Variants in TRIM24 observed in about 807,000 individuals in gnomAD.
The protein encoded by TRIM24 is tripartite motif containing 24.
In TRIM24, 29 loss-of-function variants were observed where a neutral mutation model predicts 123.9. The observed-to-expected ratio is 0.23, with a 90% CI of 0.17 to 0.32. The LOEUF (loss-of-function observed/expected upper bound fraction) is 0.32. TRIM24 is among the 10% of genes least tolerant of loss of function. The probability of loss-of-function intolerance (pLI) is 1.00; values close to 1 mark genes in which losing one functional copy is unlikely to be tolerated. For synonymous variants in TRIM24, 456 were observed against 461.1 expected (o/e 0.99, Z 0.14); for missense variants, 932 against 1,295.3 (o/e 0.72, Z 4.31).
intron 6 of TRIM24, among the ~76,000 whole-genome samples, chr7:138,533,036 A>G (rs556556520): frequency 6.6e-6 from 1 of 152,284 alleles, no homozygotes; most frequent in East Asian, 1.9e-4. Flanking sequence ...GTGTATAAGA[A>G]TGCTTGTGAT....
At position 138,583,846 on chromosome 7, in the gene TRIM24, A is replaced by T. The variant is rs1329740170; in HGVS notation, c.2794-4A>T. ...TGTATTATAACATCTCATTTTTTTA[A>T]TAGGTGCCTGATTATTACAAAATAA... is the stretch of plus-strand genomic sequence containing the variant. On this transcript the variant is annotated splice_region_variant and splice_polypyrimidine_tract_variant and intron_variant, in intron 17 of 18. Transcript: ENST00000343526. 1 of 1,542,214 alleles carries T rather than the reference A, an allele frequency of 6.5e-7. No homozygotes were observed. The highest frequency in any genetic ancestry group is 1.4e-5 in the African/African-American group (1 of 71,500).
At position 138,460,842 on chromosome 7, in the gene TRIM24, G is replaced by T; in HGVS notation, c.294G>T (p.Ser98=). Residue 98 remains serine (S), a synonymous_variant, in exon 1 of 19, where the codon TCG becomes TCT. Coordinates refer to ENST00000343526, the MANE Select transcript of TRIM24 (RefSeq NM_015905.3). The stretch of plus-strand genomic sequence containing the variant: ...TGCTGCCCGCGCCCATGCTGGGCTC[G>T]GCCGAGACCCCGCCACCCGTCCCTG... ...YLMLPAPMLG[S]AETPPPVPAP... 1 of 1,568,702 alleles carries T rather than the reference G, an allele frequency of 6.4e-7. No individual in the cohort carries two copies.
intron 7 of TRIM24, among the ~76,000 whole-genome samples, chr7:138,542,320 G>C (rs912972697): frequency 2.0e-5 from 3 of 152,154 alleles, no homozygotes; most frequent in African/African-American, 7.2e-5. Flanking sequence ...AACACTTAGA[G>C]ACTATTGTAG....
At chr7:138,490,665 C>T (rs1584696239) in intron 1 of TRIM24, 1 of 378,830 alleles carries the variant, frequency 2.6e-6, no homozygotes, top group East Asian at 7.1e-5. Flanking sequence ...AGCACTGCTA[C>T]CTTCACTGTG....
rs1031074439 is a variant in TRIM24, at chr7:138,484,875, A to G, written c.365-19415A>G. On this transcript the variant is annotated intron_variant, in intron 1 of 18. Coordinates refer to ENST00000343526, the MANE Select transcript of TRIM24 (RefSeq NM_015905.3). ...ATTCAGTTTTCGTAAAGGTTTATCT[A>G]TAGGACTCTATTCTACTTGAGATAC... is the stretch of plus-strand genomic sequence containing the variant. Among the ~76,000 whole-genome samples, 9 of 152,246 alleles carry G rather than the reference A, an allele frequency of 5.9e-5. No individual in the cohort carries two copies. The South Asian group carries it at 8.3e-4, about 14-fold the overall frequency.
chr7:138,546,408 A>G (rs1797103789), intron 7 of TRIM24, among the ~76,000 whole-genome samples: 1 of 152,254 alleles, frequency 6.6e-6, no homozygotes, highest in Non-Finnish European at 1.5e-5. Flanking sequence ...TGATGGCATC[A>G]TGGAAAAGAC....
At chr7:138,548,410 T>C (rs1019423730) in intron 7 of TRIM24, among the ~76,000 whole-genome samples, 3 of 148,014 alleles carry the variant, frequency 2.0e-5, no homozygotes, top group African/African-American at 7.6e-5. Flanking sequence ...GGTGACAGAG[T>C]GAGAGTCAAA....
intron 1 of TRIM24, among the ~76,000 whole-genome samples, chr7:138,474,225 A>T (rs541570292): frequency 2.0e-5 from 3 of 146,862 alleles, no homozygotes; most frequent in Non-Finnish European, 4.5e-5. Context: ...TCCCGGGTTC[A>T]CGCCATTCTC....
chr7:138,491,662 T>C (rs1474449342), intron 1 of TRIM24, among the ~76,000 whole-genome samples: 1 of 152,216 alleles, frequency 6.6e-6, no homozygotes, highest in African/African-American at 2.4e-5. Flanking sequence ...AAATATCTGT[T>C]AGTCCCTGTT....
At chr7:138,474,591 G>A (rs1353023101) in intron 1 of TRIM24, among the ~76,000 whole-genome samples, 2 of 152,096 alleles carry the variant, frequency 1.3e-5, no homozygotes, top group Non-Finnish European at 2.9e-5. Context: ...TAGTTTTGAG[G>A]TTTACATTTA....
intron 1 of TRIM24, among the ~76,000 whole-genome samples, chr7:138,481,226 A>G (rs983801844): frequency 6.6e-6 from 1 of 151,930 alleles, no homozygotes; most frequent in African/African-American, 2.4e-5. Flanking sequence ...TCCCGAGCTC[A>G]GTGATTCACC....
intron 1 of TRIM24, among the ~76,000 whole-genome samples, chr7:138,462,364 G>A (rs888768794): frequency 4.2e-5 from 6 of 142,070 alleles, no homozygotes; most frequent in Admixed American, 1.4e-4. Flanking sequence ...TTTTTGAGAC[G>A]GAGTCTCGCT....
At chr7:138,524,217 A>G (rs971099293) in intron 4 of TRIM24, among the ~76,000 whole-genome samples, 24 of 152,338 alleles carry the variant, frequency 1.6e-4, no homozygotes, top group African/African-American at 5.3e-4. Flanking sequence ...TAGAAATAAA[A>G]AAGAACTTCC....
intron 1 of TRIM24, among the ~76,000 whole-genome samples, chr7:138,466,779 A>C (rs560490145): frequency 6.6e-6 from 1 of 152,108 alleles, no homozygotes; most frequent in Non-Finnish European, 1.5e-5. Flanking sequence ...TGTCTTTTGA[A>C]GAGCTAAAGG....
chr7:138,466,274 C>T (rs1195673849), intron 1 of TRIM24, among the ~76,000 whole-genome samples: 3 of 152,128 alleles, frequency 2.0e-5, no homozygotes, highest in East Asian at 1.9e-4. Flanking sequence ...GGATTACAGG[C>T]GTGAGCCACT....
At position 138,538,740 on chromosome 7, in the gene TRIM24, G is replaced by A. The variant is rs751917638; in HGVS notation, c.1080G>A (p.Met360Ile). Residue 360 changes from methionine (M) to isoleucine (I), a missense_variant, in exon 7 of 19, where the codon ATG becomes ATA. Met to Ile is a conservative substitution (Grantham distance 10, BLOSUM62 1). Around this residue, in one of 7 missense-constraint regions of TRIM24, gnomAD observed 527 missense variants for 691.3 expected, o/e 0.76. Coordinates refer to ENST00000343526, the MANE Select transcript of TRIM24 (RefSeq NM_015905.3). ...AGLSKQLEHV[M>I]HFSKWAVSSG... ...TCTCTAAACAATTGGAGCATGTCAT[G>A]CATTTTTCTAAATGGGCAGTTTCCA... 2 of 1,614,116 alleles carry A rather than the reference G, an allele frequency of 1.2e-6. No individual in the cohort carries two copies. Among genetic ancestry groups the A allele is most frequent in the Non-Finnish European group, 1.7e-6 (2 of 1,179,992 alleles).
chr7:138,461,319 T>C (rs1563017807), intron 1 of TRIM24: 2 of 505,162 alleles, frequency 4.0e-6, no homozygotes, highest in Admixed American at 2.1e-5. Context: ...ATGATCCTGA[T>C]CATCTCGTCT....
intron 7 of TRIM24, among the ~76,000 whole-genome samples, chr7:138,543,611 A>T: frequency 1.3e-5 from 2 of 152,176 alleles, no homozygotes; most frequent in African/African-American, 4.8e-5. Context: ...TGCTATTTTA[A>T]AAAATTTATT....
chr7:138,576,575 AACT>A, intron 13 of TRIM24, 130 bp downstream of exon 13: 2 of 343,168 alleles, frequency 5.8e-6, no homozygotes, highest in South Asian at 3.5e-5. Flanking sequence ...AAATTTTAAT[AACT>A]ACTATATATT....
Sources: allele counts gnomAD v4.1 joint callset (sites outside exome capture counted in the v4.1 genomes callset), GRCh38; gene constraint gnomAD v4.1.1; regional missense constraint gnomAD v4.1.1; transcripts MANE v1.5; gene names NCBI Gene and HGNC (gene_info 2026-07-23, HGNC 2026-07-21).